STARD13: variants seen among roughly 807,000 people sequenced by gnomAD.
STARD13 encodes the protein StAR related lipid transfer domain containing 13.
Under a neutral mutation model 106.4 loss-of-function variants are expected in STARD13, and 62 were observed. That is an observed-to-expected ratio of 0.58 (90% CI 0.48 to 0.72). STARD13 has a LOEUF of 0.72. Ranked by LOEUF, STARD13 falls within the 30% of genes least tolerant of loss-of-function variation. The pLI is 0.00. For synonymous variants in STARD13, 565 were observed against 553.0 expected (o/e 1.02, Z -0.31); for missense variants, 1,387 against 1,424.0 (o/e 0.97, Z 0.42).
intron 1 of STARD13, 127 bp downstream of exon 1, chr13:33,285,343 G>GGGTA: frequency 1.0e-6 from 1 of 999,248 alleles, no homozygotes; most frequent in Non-Finnish European, 1.5e-6. Flanking sequence ...TCAAAGTTAC[G>GGGTA]GGTAGTGTGG....
intron 1 of STARD13, among the ~76,000 whole-genome samples, chr13:33,224,127 T>C (rs1283885055): frequency 6.6e-6 from 1 of 152,196 alleles, no homozygotes; most frequent in East Asian, 1.9e-4. Flanking sequence ...AAGAGAGCAG[T>C]TACACTTGAT....
intron 1 of STARD13, among the ~76,000 whole-genome samples, chr13:33,333,441 C>T (rs749065022): frequency 3.9e-5 from 6 of 152,122 alleles, no homozygotes; most frequent in African/African-American, 7.2e-5. Flanking sequence ...TTCCCTCCTC[C>T]CTCCAACATG....
the STARD13 span, among the ~76,000 whole-genome samples, chr13:33,650,362 T>A: frequency 6.6e-6 from 1 of 150,464 alleles, no homozygotes; most frequent in Non-Finnish European, 1.5e-5. Context: ...GGCTAATTTT[T>A]TGTATTTTTA....
chr13:33,229,968 C>A (rs999485884), intron 1 of STARD13, among the ~76,000 whole-genome samples: 2 of 152,182 alleles, frequency 1.3e-5, no homozygotes, highest in East Asian at 1.9e-4. Flanking sequence ...CAGAGACAAA[C>A]CCTAGTGAAT....
intron 1 of STARD13, among the ~76,000 whole-genome samples, chr13:33,327,155 C>T (rs1476413451): frequency 3.9e-5 from 6 of 152,278 alleles, no homozygotes; most frequent in African/African-American, 1.4e-4. Flanking sequence ...TCTTAGAATA[C>T]CACACTAGAA....
chr13:33,366,411 T>G, the STARD13 span, among the ~76,000 whole-genome samples: 1 of 152,220 alleles, frequency 6.6e-6, no homozygotes, highest in African/African-American at 2.4e-5. The surrounding 1 kb of genome is among the most constrained non-coding windows in gnomAD (Gnocchi z 4.2). Flanking sequence ...TCTCCAAAAC[T>G]TTCACTTTAT....
At chr13:33,417,772 G>T in the STARD13 span, among the ~76,000 whole-genome samples, 5 of 151,968 alleles carry the variant, frequency 3.3e-5, no homozygotes, top group Admixed American at 1.3e-4. Flanking sequence ...AGGTAAGACT[G>T]GGGGGGAAAT....
At chr13:33,323,690 C>T (rs1027330098) in intron 1 of STARD13, among the ~76,000 whole-genome samples, 31 of 152,164 alleles carry the variant, frequency 2.0e-4, no homozygotes, top group Non-Finnish European at 1.2e-4. Flanking sequence ...ATTCTCTGGC[C>T]TTCAATTAAC....
At chr13:33,171,467 G>A (rs1334095678) in intron 1 of STARD13, among the ~76,000 whole-genome samples, 1 of 152,206 alleles carries the variant, frequency 6.6e-6, no homozygotes, top group East Asian at 1.9e-4. Context: ...CTCTCTGGCA[G>A]GTATCTATTT....
intron 3 of STARD13, among the ~76,000 whole-genome samples, chr13:33,165,042 T>C (rs1469569054): frequency 6.6e-6 from 1 of 152,060 alleles, no homozygotes; most frequent in African/African-American, 2.4e-5. Flanking sequence ...ATTTATACTC[T>C]CTGAAATAAA....
chr13:33,660,987 A>C, the STARD13 span, among the ~76,000 whole-genome samples: 1 of 152,236 alleles, frequency 6.6e-6, no homozygotes, highest in African/African-American at 2.4e-5. Flanking sequence ...GATAAACAGC[A>C]AATAAATTTT....
chr13:33,563,640 G>A, the STARD13 span, among the ~76,000 whole-genome samples: 1 of 147,140 alleles, frequency 6.8e-6, no homozygotes, highest in Non-Finnish European at 1.5e-5. Flanking sequence ...AAAACTTTGG[G>A]GAAATGCTTC....
At chr13:33,526,127 CTT>C in the STARD13 span, among the ~76,000 whole-genome samples, 1 of 146,278 alleles carries the variant, frequency 6.8e-6, no homozygotes, top group Admixed American at 6.8e-5. Context: ...CTGCTGTGTA[CTT>C]TTTTTTTTTA....
downstream of STARD13, among the ~76,000 whole-genome samples, chr13:33,346,603 GGTTT>G (rs1402898708): frequency 6.6e-6 from 1 of 151,908 alleles, no homozygotes. Context: ...AGCAAATACA[GGTTT>G]GTTTGTTTAT....
At chr13:33,670,501 T>C in the STARD13 span, among the ~76,000 whole-genome samples, 1 of 152,202 alleles carries the variant, frequency 6.6e-6, no homozygotes, top group Non-Finnish European at 1.5e-5. Context: ...GCACTTATGA[T>C]TATGAACCAA....
At chr13:33,499,617 TTCTTCTTCTTCTTC>T in the STARD13 span, among the ~76,000 whole-genome samples, 2 of 111,352 alleles carry the variant, frequency 1.8e-5, no homozygotes, top group African/African-American at 9.3e-5. Flanking sequence ...CTTCTTCTTC[TTCTTCTTCTTCTTC>T]TTCTTCTTCT....
the STARD13 span, among the ~76,000 whole-genome samples, chr13:33,557,362 A>G: frequency 6.6e-6 from 1 of 152,196 alleles, no homozygotes; most frequent in Non-Finnish European, 1.5e-5. Flanking sequence ...TCCAAGTAGC[A>G]TAATACTCTT....
intron 1 of STARD13, chr13:33,281,524 A>G (rs1019438528): frequency 6.6e-6 from 1 of 152,078 alleles, no homozygotes; most frequent in African/African-American, 2.4e-5. Context: ...ATAAATCAAA[A>G]CCATCAAATA....
the STARD13 span, among the ~76,000 whole-genome samples, chr13:33,674,390 A>C: frequency 6.6e-6 from 1 of 152,234 alleles, no homozygotes; most frequent in Non-Finnish European, 1.5e-5. Context: ...AAAACTAAGA[A>C]AAATAAAGAA....
Sources: allele counts gnomAD v4.1 joint callset (sites outside exome capture counted in the v4.1 genomes callset), GRCh38; gene constraint gnomAD v4.1.1; non-coding constraint Gnocchi (gnomAD v3.1); transcripts MANE v1.5; gene names NCBI Gene and HGNC (gene_info 2026-07-23, HGNC 2026-07-21).